The following ABCB4 variants were observed in gnomAD, a reference collection of about 807,000 sequenced individuals.
ABCB4 encodes the protein ATP binding cassette subfamily B member 4.
A neutral mutation model predicts 145.7 loss-of-function variants in ABCB4; 76 were observed. The observed-to-expected ratio is 0.52, with a 90% CI of 0.43 to 0.63. The LOEUF is 0.63. Ranked by LOEUF, ABCB4 falls within the 30% of genes least tolerant of loss-of-function variation. The pLI, the probability that ABCB4 is intolerant of heterozygous loss-of-function variation, is 0.00. For missense variants in ABCB4, 1,234 were observed against 1,553.1 expected, an observed-to-expected ratio of 0.79 and a Z score of 3.45; for synonymous variants, 517 against 566.8, an observed-to-expected ratio of 0.91 and a Z score of 1.25.
In ABCB4 at chr7:87,408,085, C is replaced by T. The variant is rs376825608; in HGVS notation, c.3231G>A (p.Thr1077=). 4.3e-5 allele frequency: 70 copies of T among 1,614,086 alleles called. No individual in the cohort carries two copies. Among genetic ancestry groups the T allele is most frequent in the East Asian group, 6.7e-5 (3 of 44,900 alleles). ...LVGSSGCGKS[T]VVQLLERFYD... The stretch of plus-strand genomic sequence containing the variant: ...AGAACCGCTCCAGGAGCTGGACCAC[C>T]GTGCTCTTCCCACAGCCACTGCTGC... The change falls in exon 25 of 28, where the codon ACG becomes ACA. Residue 1077 remains threonine (T), a synonymous_variant. Coordinates refer to ENST00000649586, the MANE Select transcript of ABCB4 (RefSeq NM_000443.4).
chr7:87,413,554 T>G (rs2116423421), intron 22 of ABCB4, 63 bp downstream of exon 22: 12 of 1,063,238 alleles, frequency 1.1e-5, no homozygotes, highest in Non-Finnish European at 1.8e-5. Context: ...ATTATCTTTT[T>G]GGGACAATAA....
intron 27 of ABCB4, 109 bp from the exon 28 acceptor site, chr7:87,402,411 A>G (rs1807849649): frequency 6.1e-6 from 8 of 1,321,744 alleles, no homozygotes; most frequent in Non-Finnish European, 7.4e-6. Flanking sequence ...AATTTCTAGT[A>G]TCTTAGAATC....
chr7:87,392,475 A>T, the ABCB4 span: 1 of 929,474 alleles, frequency 1.1e-6, no homozygotes, highest in Non-Finnish European at 1.7e-6. Flanking sequence ...CTCCCAAATT[A>T]CCCCAATCCT....
intron 27 of ABCB4, among the ~76,000 whole-genome samples, chr7:87,402,882 C>A (rs942478701): frequency 3.9e-5 from 6 of 152,060 alleles, no homozygotes; most frequent in African/African-American, 1.4e-4. Flanking sequence ...ACCTGTAGTC[C>A]CAGCTACTCA....
At chr7:87,415,851 T>G in intron 21 of ABCB4, among the ~76,000 whole-genome samples, 1 of 152,222 alleles carries the variant, frequency 6.6e-6, no homozygotes. Context: ...ATCATGTAAC[T>G]TGTCTAAGAA....
In ABCB4 at chr7:87,412,260, G is replaced by A. The variant is rs181222840; in HGVS notation, c.2784-227C>T. Among the ~76,000 whole-genome samples the A allele has an allele frequency of 5.8e-3, 883 of 152,264 alleles. 11 individuals are homozygous for A. The highest frequency in any genetic ancestry group is 8.2e-3 in the Non-Finnish European group (561 of 68,022). ...ATATAAATGTCTAGCACAGTGCCTA[G>A]TTCATAGTGGTTCCTCAAATGATAA... On this transcript the variant is annotated intron_variant, in intron 22 of 27. Transcript: ENST00000649586.
chr7:87,422,118 T>A lies in ABCB4; in HGVS notation c.2316+3A>T. ...ATGAGAAAGGCAAATCATGGGTACC[T>A]ACCTGAAGGAAGAAAGTAAAAAAAG... On this transcript the variant is annotated splice_donor_region_variant and intron_variant, in intron 18 of 27. Coordinates refer to ENST00000649586, the MANE Select transcript of ABCB4 (RefSeq NM_000443.4). The A allele has an allele frequency of 6.3e-7, 1 of 1,588,260 alleles. No homozygotes were observed. The highest frequency in any genetic ancestry group is 8.6e-7 in the Non-Finnish European group (1 of 1,158,568).
the ABCB4 span, chr7:87,392,511 T>C: frequency 7.2e-7 from 1 of 1,389,830 alleles, no homozygotes; most frequent in Non-Finnish European, 1.0e-6. Context: ...AGGATTTTTT[T>C]CTAGTTGGGT....
At chr7:87,407,808 A>G (rs1562950259) in intron 25 of ABCB4, among the ~76,000 whole-genome samples, 1 of 152,224 alleles carries the variant, frequency 6.6e-6, no homozygotes, top group Non-Finnish European at 1.5e-5. Context: ...TGACAGGGTA[A>G]AAATTAAACT....
chr7:87,443,664 T>C lies in ABCB4; in HGVS notation c.1229A>G (p.Lys410Arg). 6.2e-7 allele frequency: 1 copy of C among 1,611,866 alleles called. No homozygotes were observed. Among genetic ancestry groups the C allele is most frequent in the Non-Finnish European group, 8.5e-7 (1 of 1,178,012 alleles). ...TCCTATAAATATTACTTACAGTACC[T>C]TGACGTTAGCTCGAGAAGGGTAAGA... ...HFSYPSRANV[K>R]ILKGLNLKVQ... The change falls in exon 11 of 28, where the codon AAG (lysine) becomes AGG (arginine). Residue 410 changes from lysine (K) to arginine (R), a missense_variant and splice_region_variant. Coordinates refer to ENST00000649586, the MANE Select transcript of ABCB4 (RefSeq NM_000443.4).
intron 2 of ABCB4, among the ~76,000 whole-genome samples, chr7:87,473,806 A>G (rs1170729663): frequency 6.6e-6 from 1 of 152,142 alleles, no homozygotes; most frequent in African/African-American, 2.4e-5. Context: ...ATCCAGGTAA[A>G]TGATAAAGTT....
chr7:87,410,295 T>C (rs570885877), intron 23 of ABCB4, among the ~76,000 whole-genome samples: 1 of 152,326 alleles, frequency 6.6e-6, no homozygotes, highest in South Asian at 2.1e-4. Context: ...TGGAGAACTT[T>C]AAGTTTTCAC....
chr7:87,457,354 G>A (rs975894713), intron 4 of ABCB4, among the ~76,000 whole-genome samples: 3 of 152,108 alleles, frequency 2.0e-5, no homozygotes, highest in Admixed American at 6.6e-5. Context: ...AGGCTGGAGT[G>A]AGCTATGATC....
intron 3 of ABCB4, among the ~76,000 whole-genome samples, chr7:87,468,959 A>T (rs1358263505): frequency 6.6e-6 from 1 of 151,162 alleles, no homozygotes; most frequent in Non-Finnish European, 1.5e-5. Flanking sequence ...ATAAAATAAA[A>T]TAAAATAAAA....
At chr7:87,390,638 G>GA in the ABCB4 span, among the ~76,000 whole-genome samples, 3 of 152,068 alleles carry the variant, frequency 2.0e-5, no homozygotes, top group Non-Finnish European at 4.4e-5. Flanking sequence ...TAACCAATAA[G>GA]AAAGTAAGAG....
At chr7:87,426,616 T>C (rs1048804048) in intron 16 of ABCB4, 134 bp downstream of exon 16, 2 of 854,688 alleles carry the variant, frequency 2.3e-6, no homozygotes, top group East Asian at 2.7e-5. Context: ...AATTTGAAAA[T>C]TTTTTTCTTT....
At chr7:87,461,332 G>A (rs1380506670) in intron 4 of ABCB4, among the ~76,000 whole-genome samples, 2 of 152,142 alleles carry the variant, frequency 1.3e-5, no homozygotes, top group Non-Finnish European at 2.9e-5. Context: ...TCACAAATAA[G>A]CAATCCATTT....
At chr7:87,379,361 C>G in the ABCB4 span, among the ~76,000 whole-genome samples, 1 of 152,130 alleles carries the variant, frequency 6.6e-6, no homozygotes, top group Non-Finnish European at 1.5e-5. Flanking sequence ...CTATTATTCT[C>G]ATTTGAGAGT....
intron 3 of ABCB4, among the ~76,000 whole-genome samples, chr7:87,464,492 T>C (rs138320831): frequency 3.9e-4 from 59 of 152,332 alleles, no homozygotes; most frequent in African/African-American, 1.4e-3. Context: ...GTCTGTCAGC[T>C]ATAGTTAAAA....
Sources: gnomAD v4.1 joint callset for allele counts (sites outside exome capture counted in the v4.1 genomes callset) on GRCh38, gnomAD v4.1.1 for gene constraint, MANE v1.5 for transcripts, NCBI Gene and HGNC (gene_info 2026-07-23, HGNC 2026-07-21) for gene names.